The following TNR variants were observed in gnomAD, a reference collection of about 807,000 sequenced individuals.
The protein encoded by TNR is tenascin R.
Under a neutral mutation model 150.4 loss-of-function variants are expected in TNR, and 45 were observed. The ratio of observed to expected loss-of-function variants is 0.30; its 90% CI spans 0.24 to 0.38. The LOEUF (loss-of-function observed/expected upper bound fraction) is 0.38. Ranked by LOEUF, TNR falls within the 10% of genes least tolerant of loss-of-function variation. TNR has a pLI of 1.00. For missense variants in TNR, 1,544 were observed against 1,759.1 expected, an observed-to-expected ratio of 0.88 and a Z score of 2.19; for synonymous variants, 687 against 678.4, an observed-to-expected ratio of 1.01 and a Z score of -0.20.
chr1:175,734,488 T>C (rs2101956695), intron 1 of TNR, among the ~76,000 whole-genome samples: 1 of 152,308 alleles, frequency 6.6e-6, no homozygotes, highest in East Asian at 1.9e-4. Context: ...CGACTGTTTC[T>C]GCCTGGCCAG....
At chr1:175,435,834 TG>T (rs1403587443) in intron 2 of TNR, among the ~76,000 whole-genome samples, 2 of 152,214 alleles carry the variant, frequency 1.3e-5, no homozygotes, top group Admixed American at 6.5e-5. Flanking sequence ...GCAGTTCTGG[TG>T]GTGACAAAAT....
chr1:175,409,643 T>G (rs1654119946), intron 2 of TNR, among the ~76,000 whole-genome samples: 1 of 152,232 alleles, frequency 6.6e-6, no homozygotes, highest in Admixed American at 6.5e-5. Flanking sequence ...TACTCTTTAC[T>G]GCACTGATTA....
chr1:175,439,445 C>T (rs1212278784), intron 2 of TNR, among the ~76,000 whole-genome samples: 1 of 151,914 alleles, frequency 6.6e-6, no homozygotes, highest in African/African-American at 2.4e-5. Context: ...TAGGCAATAC[C>T]ATTCAGGACA....
chr1:175,681,305 G>A (rs528539202), intron 1 of TNR, among the ~76,000 whole-genome samples: 110 of 152,256 alleles, frequency 7.2e-4, no homozygotes, highest in African/African-American at 2.6e-3. Context: ...AGGAGACACA[G>A]GTCAAAGTCA....
At chr1:175,711,040 G>A (rs1202381449) in intron 1 of TNR, among the ~76,000 whole-genome samples, 1 of 152,150 alleles carries the variant, frequency 6.6e-6, no homozygotes, top group Non-Finnish European at 1.5e-5. Context: ...GACTCATGAT[G>A]TGTGAAATAA....
At chr1:175,557,373 C>T (rs1169825198) in intron 1 of TNR, among the ~76,000 whole-genome samples, 2 of 152,224 alleles carry the variant, frequency 1.3e-5, no homozygotes, top group Admixed American at 6.5e-5. Context: ...AACCAATATA[C>T]ATCATACTTG....
At chr1:175,399,598 T>C (rs1470073309) in intron 4 of TNR, among the ~76,000 whole-genome samples, 2 of 152,196 alleles carry the variant, frequency 1.3e-5, no homozygotes, top group Admixed American at 1.3e-4. Context: ...CTATGTACAC[T>C]AGGCATCAGT....
intron 1 of TNR, chr1:175,556,873 T>C (rs999189721): frequency 2.0e-5 from 3 of 152,290 alleles, no homozygotes; most frequent in Non-Finnish European, 4.4e-5. Context: ...TGTGGGACCA[T>C]TGATGCTCTT....
chr1:175,660,461 A>G (rs1175368260), intron 1 of TNR, among the ~76,000 whole-genome samples: 8 of 152,228 alleles, frequency 5.3e-5, no homozygotes, highest in Non-Finnish European at 1.2e-4. Context: ...GACTGGTCAT[A>G]TGACCCTGGG....
chr1:175,584,687 T>C (rs1662497539), intron 1 of TNR, among the ~76,000 whole-genome samples: 1 of 152,238 alleles, frequency 6.6e-6, no homozygotes, highest in Admixed American at 6.5e-5. Flanking sequence ...CCTAGGATCT[T>C]CTGGTTCAAA....
At chr1:175,376,874 A>ATG (rs1652414639) in intron 9 of TNR, among the ~76,000 whole-genome samples, 1 of 125,620 alleles carries the variant, frequency 8.0e-6, no homozygotes, top group African/African-American at 2.8e-5. Flanking sequence ...ATATATATAT[A>ATG]TATATACACA....
intron 1 of TNR, among the ~76,000 whole-genome samples, chr1:175,740,437 A>AC (rs982653237): frequency 6.8e-6 from 1 of 146,132 alleles, no homozygotes; most frequent in African/African-American, 2.5e-5. Context: ...ATTTTTTTCA[A>AC]CAAAAAAAAA....
In TNR at chr1:175,664,906, A is replaced by G. The variant is rs532077889; in HGVS notation, c.-165+78320T>C. The stretch of plus-strand genomic sequence containing the variant: ...AAGGCAAAACTTCCAGGGATGGCCC[A>G]AAGACAGCATACCTGAGTGAGTTTG... On this transcript the variant is annotated intron_variant, in intron 1 of 22. Transcript: ENST00000367674. 1.8e-3 allele frequency among the ~76,000 whole-genome samples: 277 copies of G among 152,364 alleles called. 2 individuals are homozygous for G. The highest frequency in any genetic ancestry group is 6.3e-3 in the African/African-American group (264 of 41,590).
chr1:175,702,335 A>G (rs1473515994), intron 1 of TNR, among the ~76,000 whole-genome samples: 1 of 152,110 alleles, frequency 6.6e-6, no homozygotes. Flanking sequence ...TTAGACTGAC[A>G]TGCCACCTCT....
Position 175,688,329 on chromosome 1 carries a change from A to C in TNR, c.-165+54897T>G, listed in dbSNP as rs114950656. 6.1e-3 allele frequency among the ~76,000 whole-genome samples: 930 copies of C among 152,334 alleles called. 9 individuals are homozygous for C. The highest frequency in any genetic ancestry group is 0.012 in the Admixed American group (176 of 15,300). On this transcript the variant is annotated intron_variant, in intron 1 of 22. Coordinates refer to ENST00000367674, the MANE Select transcript of TNR (RefSeq NM_003285.3). ...AGCACTTCAGAATCAGCCCTGACTT[A>C]AGAAGAGGCCGGGAAGAAAGGAGGC... is the stretch of plus-strand genomic sequence containing the variant.
chr1:175,390,248 G>T (rs1449314375), intron 7 of TNR, among the ~76,000 whole-genome samples: 1 of 152,226 alleles, frequency 6.6e-6, no homozygotes, highest in Non-Finnish European at 1.5e-5. Context: ...ATTACATTGT[G>T]TTGTGGTTCT....
At chr1:175,699,559 G>C (rs960516714) in intron 1 of TNR, among the ~76,000 whole-genome samples, 21 of 152,142 alleles carry the variant, frequency 1.4e-4, no homozygotes, top group Admixed American at 1.4e-3. Context: ...GGGCTAAGCA[G>C]GCTAAGGAGG....
At chr1:175,448,502 G>A (rs1174611263) in intron 2 of TNR, among the ~76,000 whole-genome samples, 2 of 152,146 alleles carry the variant, frequency 1.3e-5, no homozygotes, top group African/African-American at 2.4e-5. Context: ...GAGCCGCTGT[G>A]CCCGGCGCCT....
Position 175,586,200 on chromosome 1 carries a change from G to A in TNR, c.-164-57831C>T, listed in dbSNP as rs78994002. Among the ~76,000 whole-genome samples, 947 of 152,278 alleles carry A rather than the reference G, an allele frequency of 6.2e-3. 8 individuals carry two copies. Among genetic ancestry groups the A allele is most frequent in the African/African-American group, 0.022 (911 of 41,546 alleles). On this transcript the variant is annotated intron_variant, in intron 1 of 22. Coordinates refer to ENST00000367674, the MANE Select transcript of TNR (RefSeq NM_003285.3). ...TCTAAAAGAGGTTGATTTCAGCCTG[G>A]GAAAGAGATGGATGCTGGGTAGGGG...
Sources: gnomAD v4.1 joint callset for allele counts (sites outside exome capture counted in the v4.1 genomes callset) on GRCh38, gnomAD v4.1.1 for gene constraint, MANE v1.5 for transcripts, NCBI Gene and HGNC (gene_info 2026-07-23, HGNC 2026-07-21) for gene names.